GLOD4: variants seen among roughly 807,000 people sequenced by gnomAD.
GLOD4 encodes glyoxalase domain containing 4, also known as glyoxalase domain-containing protein 4.
In GLOD4, 44 loss-of-function variants were observed where a neutral mutation model predicts 39.1. The observed-to-expected ratio is 1.13, with a 90% CI of 0.88 to 1.45. The LOEUF (loss-of-function observed/expected upper bound fraction) is 1.45. Ranked by LOEUF, GLOD4 falls within the 40% of genes most tolerant of loss-of-function variation. The pLI is 0.00. For missense variants in GLOD4, 405 were observed against 366.4 expected (o/e 1.11, Z -0.86); for synonymous variants, 145 against 135.0 (o/e 1.07, Z -0.52).
chr17:760,167 C>T lies in GLOD4; in HGVS notation c.*6G>A, dbSNP rs756156314. ...CACAGAGGCTTGCTCTGCATCATGT[C>T]TTCCGTTAACCTGAAGCTTTGGGTT... On this transcript the variant is annotated 3_prime_UTR_variant, in exon 9 of 9. Coordinates refer to ENST00000301329, the MANE Select transcript of GLOD4 (RefSeq NM_016080.4). The T allele has an allele frequency of 3.8e-6, 6 of 1,562,538 alleles. No individual in the cohort carries two copies. The East Asian group carries it at 9.0e-5, about 23-fold the overall frequency.
upstream of GLOD4, chr17:782,710 C>T: frequency 1.3e-6 from 2 of 1,577,594 alleles, no homozygotes; most frequent in Non-Finnish European, 1.7e-6. Context: ...GGTTCTTGAG[C>T]CTGTCGAATG....
At chr17:771,157 T>TTA in intron 5 of GLOD4, 168 bp downstream of exon 5, 1 of 505,334 alleles carries the variant, frequency 2.0e-6, no homozygotes, top group Non-Finnish European at 3.5e-6. Flanking sequence ...GGTGGTAAGG[T>TTA]TATCACTTAT....
upstream of GLOD4, chr17:783,356 T>C (rs749528382): frequency 7.7e-6 from 12 of 1,564,302 alleles, no homozygotes; most frequent in East Asian, 2.7e-4. Flanking sequence ...TATCTTTTTT[T>C]TTTTTTGTCT....
At chr17:780,616 G>C (rs918190895) in intron 1 of GLOD4, 1 of 151,744 alleles carries the variant, frequency 6.6e-6, no homozygotes, top group Non-Finnish European at 1.5e-5. Flanking sequence ...TGTGGTACGC[G>C]CCTGTGGTCC....
upstream of GLOD4, chr17:782,291 C>CAGCCCA: frequency 6.2e-7 from 1 of 1,611,698 alleles, no homozygotes; most frequent in Non-Finnish European, 8.5e-7. Flanking sequence ...GCGCACCGTA[C>CAGCCCA]AGCCCAGTCC....
intron 5 of GLOD4, 77 bp from the exon 6 acceptor site, chr17:770,584 T>G: frequency 1.3e-6 from 1 of 778,074 alleles, no homozygotes; most frequent in Admixed American, 1.8e-5. Context: ...AATTCAAATA[T>G]TATATACTAA....
chr17:783,005 T>C, upstream of GLOD4: 1 of 1,525,948 alleles, frequency 6.6e-7, no homozygotes, highest in Non-Finnish European at 8.8e-7. Context: ...TAGCTCTTTA[T>C]TTCTGTTACA....
upstream of GLOD4, chr17:783,008 C>T (rs996427054): frequency 2.0e-6 from 3 of 1,528,620 alleles, no homozygotes; most frequent in African/African-American, 1.4e-5. Context: ...CTCTTTATTT[C>T]TGTTACAACT....
upstream of GLOD4, chr17:782,814 C>G: frequency 9.3e-7 from 1 of 1,071,956 alleles, no homozygotes; most frequent in Non-Finnish European, 1.3e-6. Flanking sequence ...GTATTATGCA[C>G]AGAGGGCCGA....
intron 1 of GLOD4, 113 bp from the exon 2 acceptor site, chr17:778,857 A>G (rs1348553072): frequency 3.1e-6 from 2 of 639,776 alleles, no homozygotes; most frequent in African/African-American, 1.8e-5. Context: ...CTTTACTTGT[A>G]AAAGAACAAA....
chr17:760,216 T>C lies in GLOD4; in HGVS notation c.854A>G (p.Asp285Gly), dbSNP rs1390230069. 2.5e-6 allele frequency: 4 copies of C among 1,592,908 alleles called. No homozygotes were observed. Among genetic ancestry groups the C allele is most frequent in the Non-Finnish European group, 3.4e-6 (4 of 1,160,722 alleles). ...LDDAMAADKS[D>G]EWFAKHNKPK... is the part of the protein sequence containing the mutation. Reference sequence around the variant, plus strand: ...TTTATTGTGTTTGGCAAACCACTCGTCACTTTTATCTGCTGCCATTGCCTG... The same window carrying C: ...TTTATTGTGTTTGGCAAACCACTCGCCACTTTTATCTGCTGCCATTGCCTG... The change falls in exon 9 of 9, where the codon GAC becomes GGC. Residue 285 changes from aspartate (D) to glycine (G), a missense_variant. By Grantham distance (94) the Asp-to-Gly change is moderately conservative (BLOSUM62 -1). Coordinates refer to ENST00000301329, the MANE Select transcript of GLOD4 (RefSeq NM_016080.4).
Position 759,558 on chromosome 17 carries a change from G to A in GLOD4, c.*615C>T, listed in dbSNP as rs774103254. 1 of 152,058 alleles carries A rather than the reference G, an allele frequency of 6.6e-6. No individual in the cohort carries two copies. Among genetic ancestry groups the A allele is most frequent in the Non-Finnish European group, 1.5e-5 (1 of 68,026 alleles). The allele number at this position is 152,058 out of a possible 1,614,324, so 9.4% of individuals were successfully genotyped here. A position where few individuals can be genotyped will look rare whatever the true frequency, so the allele number is the denominator to read the frequency against. ...ATAAAACAAAATATATACACAGAAA[G>A]AAGCTCGCACAGAGTCAGGCGTGCA... On this transcript the variant is annotated 3_prime_UTR_variant, in exon 9 of 9. Coordinates refer to ENST00000301329, the MANE Select transcript of GLOD4 (RefSeq NM_016080.4).
At chr17:784,279 A>G (rs1048089779), upstream of GLOD4, among the ~76,000 whole-genome samples, 4 of 152,226 alleles carry the variant, frequency 2.6e-5, no homozygotes, top group African/African-American at 9.6e-5. Flanking sequence ...TAACCCAGTG[A>G]GTCACAGGGA....
chr17:759,950 C>G lies in GLOD4; in HGVS notation c.*223G>C. The G allele has an allele frequency of 1.8e-6, 1 of 557,714 alleles. No homozygotes were observed. Among genetic ancestry groups the G allele is most frequent in the Non-Finnish European group, 3.2e-6 (1 of 313,994 alleles). 34.5% of individuals were successfully genotyped at this position (557,714 alleles called of 1,614,324 possible). A position where few individuals can be genotyped will look rare whatever the true frequency, so the allele number is the denominator to read the frequency against. On this transcript the variant is annotated 3_prime_UTR_variant, in exon 9 of 9. Transcript: ENST00000301329. ...TATACAGAATGCGCAGTCCCAGCAA[C>G]AGTGTAGATTACAGCAGGCGTTCTC... is the stretch of plus-strand genomic sequence containing the variant.
chr17:774,190 C>G (rs887251638), intron 4 of GLOD4, among the ~76,000 whole-genome samples: 1 of 152,226 alleles, frequency 6.6e-6, no homozygotes, highest in East Asian at 1.9e-4. Flanking sequence ...GAGTCCCACA[C>G]AGCCAAGTCT....
chr17:766,540 G>A (rs1358703747), intron 8 of GLOD4, among the ~76,000 whole-genome samples: 2 of 152,034 alleles, frequency 1.3e-5, no homozygotes, highest in Admixed American at 6.6e-5. Flanking sequence ...AGGTTGCAGT[G>A]AGCCAAGATT....
At chr17:783,167 C>G (rs113258383), upstream of GLOD4, 6 of 1,614,064 alleles carry the variant, frequency 3.7e-6, no homozygotes, top group African/African-American at 4.0e-5. Flanking sequence ...TCATTTCAGA[C>G]GCTCTCAAGG....
chr17:781,409 A>G (rs1053817514), intron 1 of GLOD4, among the ~76,000 whole-genome samples: 18 of 152,206 alleles, frequency 1.2e-4, no homozygotes, highest in African/African-American at 3.9e-4. Flanking sequence ...TGGAGGATAT[A>G]TATCAGGGTC....
chr17:777,018 A>G (rs2144440209), intron 2 of GLOD4, 30 bp from the exon 3 acceptor site: 2 of 1,608,966 alleles, frequency 1.2e-6, no homozygotes, highest in Non-Finnish European at 1.7e-6. Flanking sequence ...GAACTCAGTG[A>G]CTACAGACAA....
Sources: gnomAD v4.1 joint callset for allele counts (sites outside exome capture counted in the v4.1 genomes callset) on GRCh38, gnomAD v4.1.1 for gene constraint, MANE v1.5 for transcripts, NCBI Gene and HGNC (gene_info 2026-07-23, HGNC 2026-07-21) for gene names.